PEBP4: variants seen among roughly 807,000 people sequenced by gnomAD.
PEBP4 encodes phosphatidylethanolamine binding protein 4, also known as phosphatidylethanolamine-binding protein 4.
In PEBP4, 22 loss-of-function variants were observed where a neutral mutation model predicts 23.9. The observed-to-expected ratio is 0.92, with a 90% CI of 0.66 to 1.31. The LOEUF (loss-of-function observed/expected upper bound fraction) is 1.31. PEBP4 is among the 40% of genes most tolerant of loss of function. The pLI, the probability that PEBP4 is intolerant of heterozygous loss-of-function variation, is 0.00. For missense variants in PEBP4, 324 were observed against 281.7 expected (o/e 1.15, Z -1.07); for synonymous variants, 112 against 99.3 (o/e 1.13, Z -0.76).
intron 4 of PEBP4, among the ~76,000 whole-genome samples, chr8:22,756,440 G>A (rs1015673806): frequency 1.3e-5 from 2 of 152,176 alleles, no homozygotes; most frequent in African/African-American, 4.8e-5. Flanking sequence ...CGACAGTCTC[G>A]GCCAGTTGTG....
In PEBP4 at chr8:22,865,484, C is replaced by T. The variant is rs536446322; in HGVS notation, c.259-47749G>A. Among the ~76,000 whole-genome samples the T allele has an allele frequency of 3.3e-5, 5 of 151,922 alleles. No individual in the cohort carries two copies. The highest frequency in any genetic ancestry group is 6.5e-5 in the Admixed American group (1 of 15,278). On this transcript the variant is annotated intron_variant, in intron 3 of 6. Coordinates refer to ENST00000256404, the MANE Select transcript of PEBP4 (RefSeq NM_144962.3). This position sits in a 1 kb window ranked among gnomAD's most constrained non-coding sequence, Gnocchi z 6.9. ...GCCGCGAGGTGGAGCGCGCCACCGC[C>T]CCCCCGGCCGCGCAGCGAGAAGGAG...
At chr8:22,849,103 A>C (rs919725640) in intron 3 of PEBP4, among the ~76,000 whole-genome samples, 4 of 152,210 alleles carry the variant, frequency 2.6e-5, no homozygotes, top group African/African-American at 9.6e-5. Flanking sequence ...GACCCTAAAG[A>C]CTTCAGCAAG....
At chr8:22,784,254 G>A (rs769760432) in intron 4 of PEBP4, among the ~76,000 whole-genome samples, 1 of 152,188 alleles carries the variant, frequency 6.6e-6, no homozygotes, top group African/African-American at 2.4e-5. Context: ...GGGTGTCAGG[G>A]TTGAAGGAAG....
chr8:22,798,068 G>C (rs1460984582), intron 4 of PEBP4, among the ~76,000 whole-genome samples: 1 of 152,200 alleles, frequency 6.6e-6, no homozygotes, highest in Non-Finnish European at 1.5e-5. Flanking sequence ...AGGGAGGCCA[G>C]AGAAGGAGAG....
chr8:22,931,312 G>A (rs544863716), upstream of PEBP4, among the ~76,000 whole-genome samples: 18 of 152,192 alleles, frequency 1.2e-4, no homozygotes, highest in African/African-American at 4.1e-4. Flanking sequence ...TCACAAGCTT[G>A]TGCAACCATC....
intron 4 of PEBP4, among the ~76,000 whole-genome samples, chr8:22,769,057 T>C (rs1805664667): frequency 6.6e-6 from 1 of 152,136 alleles, no homozygotes; most frequent in East Asian, 1.9e-4. Flanking sequence ...GTGGATCCTT[T>C]TGATGTGAGA....
At chr8:22,904,910 C>T (rs1808781995) in intron 3 of PEBP4, among the ~76,000 whole-genome samples, 1 of 151,966 alleles carries the variant, frequency 6.6e-6, no homozygotes, top group Admixed American at 6.6e-5. Context: ...CTTTTCTTTC[C>T]CGCTATTTTA....
At chr8:22,894,145 G>A (rs905471976) in intron 3 of PEBP4, among the ~76,000 whole-genome samples, 3 of 152,114 alleles carry the variant, frequency 2.0e-5, no homozygotes, top group African/African-American at 7.2e-5. Flanking sequence ...AGTACCCATT[G>A]AAGATAAGAG....
At chr8:22,761,918 T>C (rs928010159) in intron 4 of PEBP4, among the ~76,000 whole-genome samples, 1 of 152,220 alleles carries the variant, frequency 6.6e-6, no homozygotes, top group African/African-American at 2.4e-5. Context: ...AGTTTTAAGC[T>C]GGATGCATTA....
chr8:22,906,737 C>A (rs200940972), intron 3 of PEBP4, among the ~76,000 whole-genome samples: 21,572 of 152,162 alleles, frequency 0.14, 1,761 homozygotes, highest in Middle Eastern at 0.2. Context: ...ATGTGTTCAA[C>A]AAATATTTAC....
At chr8:22,787,953 G>A (rs946020537) in intron 4 of PEBP4, among the ~76,000 whole-genome samples, 14 of 152,286 alleles carry the variant, frequency 9.2e-5, no homozygotes, top group Admixed American at 2.0e-4. Context: ...TTGATAACGC[G>A]TTGTGGATGG....
At chr8:22,920,052 C>T (rs972107457) in intron 3 of PEBP4, 132 bp downstream of exon 3, 46 of 1,088,052 alleles carry the variant, frequency 4.2e-5, no homozygotes, top group African/African-American at 7.9e-5. Flanking sequence ...TTTATGGCAA[C>T]AGCCATCTGC....
intron 3 of PEBP4, among the ~76,000 whole-genome samples, chr8:22,860,479 G>A (rs1807754207): frequency 6.6e-6 from 1 of 152,006 alleles, no homozygotes; most frequent in African/African-American, 2.4e-5. Flanking sequence ...GAATGGTACA[G>A]TACCTGTCTT....
chr8:22,806,900 T>C (rs1463983158), intron 4 of PEBP4, among the ~76,000 whole-genome samples: 1 of 152,220 alleles, frequency 6.6e-6, no homozygotes. Context: ...GTCAGTGCAT[T>C]TCCCAACAAA....
chr8:22,729,477 T>A lies in PEBP4; in HGVS notation c.358-2257A>T, dbSNP rs1470331807. On this transcript the variant is annotated intron_variant, in intron 4 of 6. Transcript: ENST00000256404. ...AGGGTGGGGGCCAGGGCCAGTCAGA[T>A]CAGGGAGCTGGTTTGTGCAGAGCTG... is the stretch of plus-strand genomic sequence containing the variant. 2.0e-5 allele frequency among the ~76,000 whole-genome samples: 3 copies of A among 152,220 alleles called. No homozygotes were observed. In the East Asian group the frequency reaches 5.8e-4, roughly 29 times the overall value.
chr8:22,934,684 C>A (rs1289760935), intron 1 of PEBP4, among the ~76,000 whole-genome samples: 1 of 151,902 alleles, frequency 6.6e-6, no homozygotes, highest in Non-Finnish European at 1.5e-5. Flanking sequence ...AGAATGCAAG[C>A]AAGCAAGCAA....
chr8:22,874,793 G>A (rs1296567181), intron 3 of PEBP4, among the ~76,000 whole-genome samples: 5 of 152,248 alleles, frequency 3.3e-5, no homozygotes, highest in Non-Finnish European at 5.9e-5. Context: ...TGTATAAAAT[G>A]TAATGCTGCA....
chr8:22,931,253 C>T (rs926852747), upstream of PEBP4, among the ~76,000 whole-genome samples: 1 of 152,210 alleles, frequency 6.6e-6, no homozygotes, highest in South Asian at 2.1e-4. Flanking sequence ...ATAATTCACA[C>T]ATAAAATTCA....
At position 22,894,779 on chromosome 8, in the gene PEBP4, T is replaced by C. The variant is rs183834603; in HGVS notation, c.258+25405A>G. On this transcript the variant is annotated intron_variant, in intron 3 of 6. Transcript: ENST00000256404. The stretch of plus-strand genomic sequence containing the variant: ...AAGTTCACAGCCTCATCAGGTCTCT[T>C]ATGGGAGATGGTGTTGACTGGGAAA... Among the ~76,000 whole-genome samples, 335 of 152,260 alleles carry C rather than the reference T, an allele frequency of 2.2e-3. 4 individuals are homozygous for C. The highest frequency in any genetic ancestry group is 6.2e-4 in the Non-Finnish European group (42 of 68,008).
Sources: allele counts gnomAD v4.1 joint callset (sites outside exome capture counted in the v4.1 genomes callset), GRCh38; gene constraint gnomAD v4.1.1; non-coding constraint Gnocchi (gnomAD v3.1); transcripts MANE v1.5; gene names NCBI Gene and HGNC (gene_info 2026-07-23, HGNC 2026-07-21).